The following EXOC6B variants were observed in gnomAD, a reference collection of about 807,000 sequenced individuals.
EXOC6B encodes exocyst complex component 6B.
Under a neutral mutation model 113.5 loss-of-function variants are expected in EXOC6B, and 54 were observed. The observed-to-expected ratio is 0.48, with a 90% CI of 0.38 to 0.60. EXOC6B has a LOEUF of 0.60. Ranked by LOEUF, EXOC6B falls within the 20% of genes least tolerant of loss-of-function variation. The pLI is 0.00. For missense variants in EXOC6B, 797 were observed against 977.5 expected (o/e 0.82, Z 2.46); for synonymous variants, 357 against 339.0 (o/e 1.05, Z -0.58).
chr2:72,657,225 C>CTTTTT (rs70963135), intron 6 of EXOC6B, among the ~76,000 whole-genome samples: 4 of 120,080 alleles, frequency 3.3e-5, no homozygotes, highest in South Asian at 2.6e-4. Flanking sequence ...CCACAACTGT[C>CTTTTT]TTTTTTTTTT....
chr2:72,572,464 A>G (rs1704575250), intron 7 of EXOC6B, among the ~76,000 whole-genome samples: 1 of 152,230 alleles, frequency 6.6e-6, no homozygotes, highest in South Asian at 2.1e-4. Context: ...CATGCAAAAC[A>G]TTTTGTGACA....
chr2:72,275,246 C>G (rs1684743809), intron 20 of EXOC6B, among the ~76,000 whole-genome samples: 1 of 152,116 alleles, frequency 6.6e-6, no homozygotes. Flanking sequence ...ACTTCACCAC[C>G]CCTCCCTGTC....
intron 17 of EXOC6B, among the ~76,000 whole-genome samples, chr2:72,479,935 G>T (rs1281627250): frequency 6.6e-6 from 1 of 152,182 alleles, no homozygotes; most frequent in Non-Finnish European, 1.5e-5. Flanking sequence ...GGGTGTGGTG[G>T]TTCATGCCCG....
intron 20 of EXOC6B, among the ~76,000 whole-genome samples, chr2:72,265,532 C>T (rs1684018641): frequency 6.6e-6 from 1 of 151,532 alleles, no homozygotes; most frequent in Admixed American, 6.6e-5. Flanking sequence ...CGATAGTTTA[C>T]TGAGAATGAT....
chr2:72,513,181 A>T lies in EXOC6B; in HGVS notation c.1118T>A (p.Leu373Gln). 1 of 1,613,450 alleles carries T rather than the reference A, an allele frequency of 6.2e-7. No homozygotes were observed. The highest frequency in any genetic ancestry group is 8.5e-7 in the Non-Finnish European group (1 of 1,179,488). ...GLVNRAYIDE[L>Q]WEMALSKTIA... ...GGTTTTTGAAAGTGCCATTTCCCAC[A>T]GTTCATCAATGTAGGCTCTATTTAC... Residue 373 changes from leucine to glutamine, a missense_variant, in exon 11 of 22, where the codon CTG (leucine) becomes CAG (glutamine). Transcript: ENST00000272427.
intron 20 of EXOC6B, among the ~76,000 whole-genome samples, chr2:72,226,043 A>G (rs977612693): frequency 4.6e-5 from 7 of 152,204 alleles, no homozygotes; most frequent in Admixed American, 3.3e-4. Flanking sequence ...AACTTCTAAA[A>G]GACTAGAAAT....
chr2:72,277,975 AT>A (rs1481262591), intron 20 of EXOC6B, among the ~76,000 whole-genome samples: 1 of 152,170 alleles, frequency 6.6e-6, no homozygotes, highest in Admixed American at 6.5e-5. Context: ...AAAACCAGAA[AT>A]TGTAAAAATT....
chr2:72,729,457 C>T (rs1358419758), intron 5 of EXOC6B, among the ~76,000 whole-genome samples: 1 of 147,368 alleles, frequency 6.8e-6, no homozygotes, highest in African/African-American at 2.5e-5. Flanking sequence ...GTCACCCAGG[C>T]TGGAGCTCAG....
chr2:72,311,741 T>C (rs1223114399), intron 20 of EXOC6B, among the ~76,000 whole-genome samples: 1 of 152,162 alleles, frequency 6.6e-6, no homozygotes, highest in African/African-American at 2.4e-5. Flanking sequence ...AACAGATGTA[T>C]ATTTTCAGCC....
intron 20 of EXOC6B, among the ~76,000 whole-genome samples, chr2:72,283,570 G>A (rs1436456587): frequency 6.6e-6 from 1 of 152,122 alleles, no homozygotes; most frequent in East Asian, 1.9e-4. Flanking sequence ...GGAGGAGTAG[G>A]GGGAGGGGCA....
At chr2:72,365,670 C>T (rs945304548) in intron 19 of EXOC6B, among the ~76,000 whole-genome samples, 3 of 152,114 alleles carry the variant, frequency 2.0e-5, no homozygotes, top group African/African-American at 7.2e-5. Flanking sequence ...ACAGAAAGGT[C>T]CTTTCGGTAT....
chr2:72,689,887 T>C (rs1187046105), intron 6 of EXOC6B, among the ~76,000 whole-genome samples: 2 of 152,202 alleles, frequency 1.3e-5, no homozygotes, highest in African/African-American at 4.8e-5. Context: ...AGTGGAGTAT[T>C]GCTAAGCTTC....
rs1043926107 is a variant in EXOC6B, at chr2:72,325,225, A to G, written c.2196+9722T>C. ...TCTCACTCTCTCCACATTCTCAACA[A>G]GTTATTTTACCCTTAAAATCAACAG... On this transcript the variant is annotated intron_variant, in intron 20 of 21. Transcript: ENST00000272427. Among the ~76,000 whole-genome samples, 6 of 152,258 alleles carry G rather than the reference A, an allele frequency of 3.9e-5. No individual in the cohort carries two copies. The East Asian group carries it at 1.2e-3, about 29-fold the overall frequency.
intron 6 of EXOC6B, among the ~76,000 whole-genome samples, chr2:72,681,859 A>C (rs1676725511): frequency 6.6e-6 from 1 of 152,170 alleles, no homozygotes; most frequent in Non-Finnish European, 1.5e-5. Context: ...TTGATTTATT[A>C]AAAACAATAT....
chr2:72,737,842 ACT>A (rs1367698318), intron 2 of EXOC6B, among the ~76,000 whole-genome samples: 1 of 151,780 alleles, frequency 6.6e-6, no homozygotes, highest in East Asian at 1.9e-4. Flanking sequence ...ACAGAGCAAG[ACT>A]CTGTCTCAAA....
chr2:72,803,444 TG>T (rs1685409185), intron 1 of EXOC6B, among the ~76,000 whole-genome samples: 2 of 152,286 alleles, frequency 1.3e-5, no homozygotes, highest in South Asian at 4.1e-4. Context: ...ATCTAAGCAT[TG>T]TCATCTCAAC....
intron 6 of EXOC6B, among the ~76,000 whole-genome samples, chr2:72,637,176 A>G (rs1471782881): frequency 1.3e-5 from 2 of 152,194 alleles, no homozygotes; most frequent in African/African-American, 4.8e-5. Flanking sequence ...AAAAACCAAA[A>G]TGAAAAAAAC....
At chr2:72,203,136 A>G (rs988889273) in intron 20 of EXOC6B, among the ~76,000 whole-genome samples, 2 of 152,212 alleles carry the variant, frequency 1.3e-5, no homozygotes, top group Admixed American at 1.3e-4. Flanking sequence ...GAAGATGGCA[A>G]ACTTATTCCT....
intron 6 of EXOC6B, among the ~76,000 whole-genome samples, chr2:72,639,494 C>T (rs1673080530): frequency 6.6e-6 from 1 of 152,216 alleles, no homozygotes; most frequent in African/African-American, 2.4e-5. Flanking sequence ...GACACCCTGG[C>T]ACCCACTAGC....
Sources: allele counts gnomAD v4.1 joint callset (sites outside exome capture counted in the v4.1 genomes callset), GRCh38; gene constraint gnomAD v4.1.1; transcripts MANE v1.5; gene names NCBI Gene and HGNC (gene_info 2026-07-23, HGNC 2026-07-21).